CLIC2: variants seen among roughly 807,000 people sequenced by gnomAD.
The protein encoded by CLIC2 is CLIC family member 2.
Under a neutral mutation model 14.8 loss-of-function variants are expected in CLIC2, and 9 were observed. The observed-to-expected ratio is 0.61, with a 90% CI of 0.37 to 1.06. The LOEUF (loss-of-function observed/expected upper bound fraction) is 1.06, where lower values mean the gene tolerates loss of function less well. CLIC2 is among the 50% of genes least tolerant of loss of function. The probability of loss-of-function intolerance (pLI) is 0.01; values close to 1 mark genes in which losing one functional copy is unlikely to be tolerated. For missense variants in CLIC2, 148 were observed against 181.4 expected, an observed-to-expected ratio of 0.82 and a Z score of 1.06; for synonymous variants, 61 against 66.3, an observed-to-expected ratio of 0.92 and a Z score of 0.39.
intron 1 of CLIC2, among the ~76,000 whole-genome samples, chrX:155,332,061 CATTAAG>C (rs1384603197): frequency 5.4e-5 from 6 of 111,323 alleles, no homozygotes; most frequent in African/African-American, 1.9e-4. Context: ...AACAACAAAT[CATTAAG>C]ATTATTTCAT....
intron 3 of CLIC2, among the ~76,000 whole-genome samples, chrX:155,286,433 A>G (rs782384104): frequency 5.4e-5 from 6 of 111,997 alleles, no homozygotes; most frequent in Admixed American, 1.9e-4. Context: ...TAGTGCTGCA[A>G]TGAACATTCT....
chrX:155,291,420 G>A (rs2074964675), intron 3 of CLIC2: 3 of 498,524 alleles, frequency 6.0e-6, no homozygotes, highest in South Asian at 2.7e-5. Context: ...GAGTGCAGCC[G>A]AGTATGGGGT....
rs369301690 is a variant in CLIC2 at position 155,280,108 on chromosome X, C to T, written c.294-40G>A. On this transcript the variant is annotated intron_variant, in intron 3 of 5. Transcript: ENST00000369449. ...TGCGTCAACTATCATTTGCACATAA[C>T]ATGACAGAGACCAGGTGCCCTAGCT... 7 of 946,205 alleles carry T rather than the reference C, an allele frequency of 7.4e-6. No individual in the cohort carries two copies. The African/African-American group carries it at 9.6e-5, about 13-fold the overall frequency. 78.0% of individuals were successfully genotyped at this position (946,205 alleles called of 1,213,427 possible). A position where few individuals can be genotyped will look rare whatever the true frequency, so the allele number is the denominator to read the frequency against.
chrX:155,286,742 G>A (rs2074944357), intron 3 of CLIC2, among the ~76,000 whole-genome samples: 2 of 112,366 alleles, frequency 1.8e-5, no homozygotes, highest in African/African-American at 6.5e-5. Context: ...GATCACTAAT[G>A]AGCTTTTTTC....
At chrX:155,307,350 C>T (rs1300702713) in intron 1 of CLIC2, among the ~76,000 whole-genome samples, 2 of 110,657 alleles carry the variant, frequency 1.8e-5, no homozygotes, top group African/African-American at 6.6e-5. Context: ...CAGGGAATAA[C>T]ATGTGCAAAG....
At chrX:155,307,253 C>T (rs1161279417) in intron 1 of CLIC2, among the ~76,000 whole-genome samples, 1 of 111,100 alleles carries the variant, frequency 9.0e-6, no homozygotes, top group East Asian at 2.8e-4. Context: ...TCAGGGAAGG[C>T]CTTCCCTGAG....
intron 3 of CLIC2, among the ~76,000 whole-genome samples, chrX:155,281,088 C>T (rs782787873): frequency 4.7e-5 from 5 of 106,162 alleles, no homozygotes; most frequent in South Asian, 8.7e-4. Flanking sequence ...GCCTGGAGGA[C>T]GTTATGTTAA....
chrX:155,324,953 G>A (rs2075130895), intron 1 of CLIC2, among the ~76,000 whole-genome samples: 1 of 111,820 alleles, frequency 8.9e-6, no homozygotes, highest in Admixed American at 9.5e-5. Context: ...AGTGGGTGAA[G>A]GATATGAGCG....
chrX:155,279,921 A>T, intron 4 of CLIC2, 41 bp downstream of exon 4: 1 of 926,447 alleles, frequency 1.1e-6, no homozygotes, highest in Non-Finnish European at 1.6e-6. Context: ...GAGAAGATGA[A>T]GAGTGAGAGA....
intron 1 of CLIC2, among the ~76,000 whole-genome samples, chrX:155,319,189 TACAA>T (rs2075104802): frequency 8.9e-6 from 1 of 111,855 alleles, no homozygotes; most frequent in African/African-American, 3.2e-5. Flanking sequence ...GCAAATGCAA[TACAA>T]ACAAAGCTAA....
intron 1 of CLIC2, among the ~76,000 whole-genome samples, chrX:155,330,187 C>T (rs2075151912): frequency 1.8e-5 from 2 of 111,300 alleles, no homozygotes; most frequent in South Asian, 7.4e-4. Flanking sequence ...ATAACTAAAA[C>T]AGTATAATTG....
intron 1 of CLIC2, among the ~76,000 whole-genome samples, chrX:155,324,784 A>T (rs1425556136): frequency 8.9e-6 from 1 of 112,029 alleles, no homozygotes; most frequent in Non-Finnish European, 1.9e-5. Flanking sequence ...TAAACTAAAG[A>T]GCTTCTGCAT....
chrX:155,287,667 G>A (rs782566060), intron 3 of CLIC2, among the ~76,000 whole-genome samples: 4 of 112,067 alleles, frequency 3.6e-5, no homozygotes, highest in Admixed American at 9.5e-5. Context: ...AGTATAGTTC[G>A]AAGTTGGCTA....
In CLIC2 at chrX:155,318,804, C is replaced by T. The variant is rs192333232; in HGVS notation, c.57+15567G>A. Among the ~76,000 whole-genome samples the T allele has an allele frequency of 1.2e-3, 131 of 112,112 alleles. No homozygotes were observed. In the South Asian group the frequency reaches 0.014, roughly 12 times the overall value. On this transcript the variant is annotated intron_variant, in intron 1 of 5. Coordinates refer to ENST00000369449, the MANE Select transcript of CLIC2 (RefSeq NM_001289.6). The stretch of plus-strand genomic sequence containing the variant: ...CTGGAGGCATCTCATTACCCGACTT[C>T]AAACTAGACTATAAGGCTATAGTCA...
At chrX:155,293,294 G>A (rs2074981353) in intron 3 of CLIC2, 1 of 1,026,530 alleles carries the variant, frequency 9.7e-7, no homozygotes, top group African/African-American at 1.8e-5. Flanking sequence ...TCAGTTCCTG[G>A]GTACAAGCCC....
chrX:155,279,820 A>C (rs1173833159), intron 4 of CLIC2, 142 bp downstream of exon 4: 1 of 464,988 alleles, frequency 2.2e-6, no homozygotes, highest in East Asian at 3.8e-5. Flanking sequence ...CATGCGAGGG[A>C]ATTTCAGAGG....
Position 155,276,967 on chromosome X carries a change from T to A in CLIC2, c.*936A>T, listed in dbSNP as rs868990425. ...CTAAAATATTTTCCTTTTTTGAAGCTGCACTTATGCTTGTGTTTCTCTTTT... is the reference window on the plus strand; with the variant it reads ...CTAAAATATTTTCCTTTTTTGAAGCAGCACTTATGCTTGTGTTTCTCTTTT... On this transcript the variant is annotated 3_prime_UTR_variant, in exon 6 of 6. Coordinates refer to ENST00000369449, the MANE Select transcript of CLIC2 (RefSeq NM_001289.6). 8.9e-6 allele frequency: 1 copy of A among 112,517 alleles called. No individual in the cohort carries two copies. Among genetic ancestry groups the A allele is most frequent in the South Asian group, 3.6e-4 (1 of 2,768 alleles). 9.3% of individuals were successfully genotyped at this position (112,517 alleles called of 1,213,427 possible).
chrX:155,316,862 T>C (rs1433466221), intron 1 of CLIC2, among the ~76,000 whole-genome samples: 1 of 110,788 alleles, frequency 9.0e-6, no homozygotes, highest in Admixed American at 9.7e-5. Context: ...CATCTTTTTA[T>C]ATTTTTCTGC....
chrX:155,284,814 C>T (rs1322954729), intron 3 of CLIC2, among the ~76,000 whole-genome samples: 1 of 111,912 alleles, frequency 8.9e-6, no homozygotes, highest in Non-Finnish European at 1.9e-5. Flanking sequence ...CCTCTGGTAC[C>T]AGTAACCTGC....
Sources: gnomAD v4.1 joint callset for allele counts (sites outside exome capture counted in the v4.1 genomes callset) on GRCh38, gnomAD v4.1.1 for gene constraint, MANE v1.5 for transcripts, NCBI Gene and HGNC (gene_info 2026-07-23, HGNC 2026-07-21) for gene names.